Variants in EFCAB13 observed in about 807,000 individuals in gnomAD.
The protein encoded by EFCAB13 is EF-hand calcium binding domain 13.
Under a neutral mutation model 110.2 loss-of-function variants are expected in EFCAB13, and 91 were observed. The observed-to-expected ratio is 0.83, with a 90% CI of 0.70 to 0.98. EFCAB13 has a LOEUF of 0.98. Ranked by LOEUF, EFCAB13 falls within the 50% of genes least tolerant of loss-of-function variation. The pLI is 0.00. For synonymous variants in EFCAB13, 323 were observed against 369.9 expected, an observed-to-expected ratio of 0.87 and a Z score of 1.45; for missense variants, 968 against 1,119.4, an observed-to-expected ratio of 0.86 and a Z score of 1.93.
At chr17:47,396,046 C>A in intron 17 of EFCAB13, 69 bp downstream of exon 17, 2 of 1,386,518 alleles carry the variant, frequency 1.4e-6, no homozygotes, top group South Asian at 1.6e-5. Flanking sequence ...CAACTCTTGT[C>A]ATTGTATCTT....
chr17:47,350,561 T>C (rs991955481), intron 9 of EFCAB13, among the ~76,000 whole-genome samples: 2 of 152,034 alleles, frequency 1.3e-5, no homozygotes, highest in Non-Finnish European at 2.9e-5. Flanking sequence ...CATGCCAATA[T>C]AATTATTACT....
chr17:47,421,270 A>G (rs1904696512), intron 23 of EFCAB13, among the ~76,000 whole-genome samples: 1 of 152,088 alleles, frequency 6.6e-6, no homozygotes, highest in Admixed American at 6.5e-5. Flanking sequence ...AGAGGTAGAC[A>G]TGGGAGACTT....
intron 10 of EFCAB13, among the ~76,000 whole-genome samples, chr17:47,366,554 G>A (rs936926166): frequency 6.6e-6 from 1 of 152,104 alleles, no homozygotes; most frequent in African/African-American, 2.4e-5. Flanking sequence ...TTTCCAGGAT[G>A]AATTTCCTCC....
intron 17 of EFCAB13, among the ~76,000 whole-genome samples, chr17:47,399,978 C>T (rs994546948): frequency 2.0e-5 from 3 of 152,100 alleles, no homozygotes; most frequent in Admixed American, 6.5e-5. Flanking sequence ...ACATTGAATC[C>T]ATAGGCGAAG....
At position 47,440,949 on chromosome 17, in the gene EFCAB13, T is replaced by A; in HGVS notation, c.*235T>A. 3.2e-6 allele frequency: 1 copy of A among 314,182 alleles called. No homozygotes were observed. The highest frequency in any genetic ancestry group is 2.2e-5 in the African/African-American group (1 of 46,254). The allele number at this position is 314,182 out of a possible 1,614,324, so 19.5% of individuals were successfully genotyped here. ...TATGGCAAAATTCACTCTTTTTAGG[T>A]ATACAGTTCTTTGGATTCTTAAAAA... On this transcript the variant is annotated 3_prime_UTR_variant, in exon 25 of 25. Transcript: ENST00000331493.
At position 47,347,922 on chromosome 17, in the gene EFCAB13, G is replaced by T; in HGVS notation, c.632G>T (p.Arg211Leu). Residue 211 changes from arginine to leucine, a missense_variant, in exon 9 of 25, where the codon CGA (arginine) becomes CTA (leucine). Coordinates refer to ENST00000331493, the MANE Select transcript of EFCAB13 (RefSeq NM_152347.5). ...LRISISDLEM[R>L]QALKTVDIDA... is the part of the protein sequence containing the mutation. ...ATTTCTATAAGTGATTTAGAAATGC[G>T]ACAGGCACTAAAGACTGTTGATATT... The T allele has an allele frequency of 6.5e-7, 1 of 1,532,820 alleles. No individual in the cohort carries two copies. The highest frequency in any genetic ancestry group is 1.3e-5 in the South Asian group (1 of 76,048). The allele number at this position is 1,532,820 out of a possible 1,614,324, so 95.0% of individuals were successfully genotyped here.
At chr17:47,333,344 C>G (rs1458255325) in intron 4 of EFCAB13, among the ~76,000 whole-genome samples, 1 of 152,044 alleles carries the variant, frequency 6.6e-6, no homozygotes, top group African/African-American at 2.4e-5. Flanking sequence ...CCTTTATCGC[C>G]TTAACAGATG....
intron 14 of EFCAB13, among the ~76,000 whole-genome samples, chr17:47,389,780 C>T (rs766320859): frequency 1.6e-4 from 25 of 152,212 alleles, no homozygotes; most frequent in Admixed American, 2.6e-4. Context: ...TTCTGTTATT[C>T]TACCCCTACA....
At chr17:47,349,713 G>A (rs1279306229) in intron 9 of EFCAB13, among the ~76,000 whole-genome samples, 2 of 149,150 alleles carry the variant, frequency 1.3e-5, no homozygotes, top group Non-Finnish European at 3.0e-5. Flanking sequence ...TATAGTTAAT[G>A]GAATGCTGGA....
intron 9 of EFCAB13, among the ~76,000 whole-genome samples, chr17:47,359,769 TC>T (rs1292176376): frequency 1.2e-5 from 1 of 84,758 alleles, no homozygotes; most frequent in Non-Finnish European, 2.2e-5. Flanking sequence ...ATGCTGTCCC[TC>T]CCCCCTCCCC....
At chr17:47,393,229 T>C (rs896468517) in intron 15 of EFCAB13, among the ~76,000 whole-genome samples, 9 of 152,118 alleles carry the variant, frequency 5.9e-5, no homozygotes, top group African/African-American at 2.2e-4. Flanking sequence ...CATTTTTATA[T>C]CCACTAAAAT....
chr17:47,418,115 C>G (rs915162312), intron 23 of EFCAB13, among the ~76,000 whole-genome samples: 1 of 152,194 alleles, frequency 6.6e-6, no homozygotes, highest in African/African-American at 2.4e-5. Flanking sequence ...TTCTGGTTTT[C>G]TAAATCTTCT....
chr17:47,429,720 TC>T, intron 23 of EFCAB13, 97 bp from the exon 24 acceptor site: 1 of 1,373,040 alleles, frequency 7.3e-7, no homozygotes, highest in Non-Finnish European at 9.7e-7. Context: ...TAGAATCAGA[TC>T]TTCATATTTT....
chr17:47,371,084 A>G (rs1462115650), intron 11 of EFCAB13, among the ~76,000 whole-genome samples: 1 of 59,718 alleles, frequency 1.7e-5, no homozygotes, highest in African/African-American at 6.7e-5. Flanking sequence ...TTTTTTTTTT[A>G]CTGTTGTTTG....
In EFCAB13 at chr17:47,374,711, G is replaced by T; in HGVS notation, c.1117G>T (p.Val373Phe). The change falls in exon 12 of 25, where the codon GTT (valine) becomes TTT (phenylalanine). Residue 373 changes from valine to phenylalanine, a missense_variant. Coordinates refer to ENST00000331493, the MANE Select transcript of EFCAB13 (RefSeq NM_152347.5). ...GCAAATAAGAAAATTTCTGGGTGGGGTTGGCAGCAGTAATGTAGGAGTCCA... is the reference window on the plus strand; with the variant it reads ...GCAAATAAGAAAATTTCTGGGTGGGTTTGGCAGCAGTAATGTAGGAGTCCA... ...TWQIRKFLGG[V>F]GSSNVGVQEP... The T allele has an allele frequency of 6.2e-7, 1 of 1,613,796 alleles. No homozygotes were observed. Among genetic ancestry groups the T allele is most frequent in the Admixed American group, 1.7e-5 (1 of 59,968 alleles).
intron 9 of EFCAB13, among the ~76,000 whole-genome samples, chr17:47,353,888 T>A (rs1249245332): frequency 6.6e-6 from 1 of 152,174 alleles, no homozygotes; most frequent in African/African-American, 2.4e-5. Context: ...AGTTCTTCTC[T>A]GATCTTGGTT....
chr17:47,353,074 T>C (rs1174849526), intron 9 of EFCAB13, among the ~76,000 whole-genome samples: 1 of 152,148 alleles, frequency 6.6e-6, no homozygotes, highest in Non-Finnish European at 1.5e-5. Context: ...GTTACTTTTT[T>C]TTCTCTTGCC....
At chr17:47,419,510 C>T (rs1286650456) in intron 23 of EFCAB13, among the ~76,000 whole-genome samples, 1 of 152,180 alleles carries the variant, frequency 6.6e-6, no homozygotes, top group Non-Finnish European at 1.5e-5. Flanking sequence ...CCCAGGAGTT[C>T]AAGGCCACAG....
intron 23 of EFCAB13, among the ~76,000 whole-genome samples, chr17:47,426,000 CATG>C (rs1489096837): frequency 6.6e-6 from 1 of 152,138 alleles, no homozygotes; most frequent in African/African-American, 2.4e-5. Context: ...TGACCTTTAT[CATG>C]ATATTTTTAG....
Sources: allele counts gnomAD v4.1 joint callset (sites outside exome capture counted in the v4.1 genomes callset), GRCh38; gene constraint gnomAD v4.1.1; transcripts MANE v1.5; gene names NCBI Gene and HGNC (gene_info 2026-07-23, HGNC 2026-07-21).